Variants in CDC20B observed in about 807,000 individuals in gnomAD.
CDC20B encodes cell division cycle protein 20 homolog B.
A neutral mutation model predicts 64.1 loss-of-function variants in CDC20B; 58 were observed. The ratio of observed to expected loss-of-function variants is 0.90; its 90% CI spans 0.73 to 1.13. The LOEUF is 1.13. Among genes scored for constraint, CDC20B ranks in the 50% most tolerant of loss-of-function variants. The probability of loss-of-function intolerance (pLI) is 0.00; values close to 1 mark genes in which losing one functional copy is unlikely to be tolerated. For synonymous variants in CDC20B, 243 were observed against 230.6 expected (o/e 1.05, Z -0.49); for missense variants, 597 against 633.0 (o/e 0.94, Z 0.61).
At chr5:55,133,365 C>T (rs776073845) in intron 6 of CDC20B, 47 bp downstream of exon 6, 29 of 912,346 alleles carry the variant, frequency 3.2e-5, no homozygotes, top group Non-Finnish European at 6.7e-6. Flanking sequence ...GCACAGGATG[C>T]ATTTTGTCAT....
chr5:55,161,069 A>C (rs1193920775), intron 2 of CDC20B: 2 of 1,614,184 alleles, frequency 1.2e-6, no homozygotes, highest in Non-Finnish European at 1.7e-6. Flanking sequence ...GGAACTGCAC[A>C]AAGAGTTTGG....
chr5:55,147,872 A>C (rs1743541641), intron 2 of CDC20B, among the ~76,000 whole-genome samples: 1 of 152,172 alleles, frequency 6.6e-6, no homozygotes, highest in Non-Finnish European at 1.5e-5. Flanking sequence ...CAAACCCTTC[A>C]TTTCACAGAT....
Position 55,127,282 on chromosome 5 carries a change from T to G in CDC20B, c.964A>C (p.Ser322Arg), listed in dbSNP as rs1742916923. The G allele has an allele frequency of 6.2e-7, 1 of 1,613,976 alleles. No homozygotes were observed. The highest frequency in any genetic ancestry group is 1.1e-5 in the South Asian group (1 of 91,078). Residue 322 changes from serine to arginine, a missense_variant, in exon 8 of 12, where the codon AGC becomes CGC. Transcript: ENST00000381375. ...CTGCTGAGGATAAAGTGATTCCAGC[T>G]CAGAGCCCCAACTACTGACAAATGA... ...LGHLSVVGAL[S>R]WNHFILSSGS...
At chr5:55,139,096 T>TAGAAC (rs1445304851) in intron 5 of CDC20B, among the ~76,000 whole-genome samples, 1 of 151,974 alleles carries the variant, frequency 6.6e-6, no homozygotes, top group Admixed American at 6.6e-5. Flanking sequence ...CATGAAATCT[T>TAGAAC]AGAACACTGG....
chr5:55,122,273 CTTTTTT>C (rs34776567), intron 9 of CDC20B, among the ~76,000 whole-genome samples: 1 of 146,870 alleles, frequency 6.8e-6, no homozygotes, highest in Non-Finnish European at 1.5e-5. Flanking sequence ...AGTCTTTTCT[CTTTTTT>C]TTTTTTTTAA....
intron 8 of CDC20B, among the ~76,000 whole-genome samples, chr5:55,126,612 C>G (rs1742901122): frequency 6.6e-6 from 1 of 151,862 alleles, no homozygotes; most frequent in Admixed American, 6.6e-5. Flanking sequence ...GGAAAAAGTC[C>G]CTTAATTTTT....
chr5:55,133,842 A>G (rs1048226748), intron 5 of CDC20B, among the ~76,000 whole-genome samples: 3 of 152,108 alleles, frequency 2.0e-5, no homozygotes, highest in African/African-American at 7.2e-5. Flanking sequence ...TTGAATATTT[A>G]TTCTGTTATT....
At chr5:55,146,503 G>A (rs1002598463) in intron 3 of CDC20B, 125 bp downstream of exon 3, 1 of 650,876 alleles carries the variant, frequency 1.5e-6, no homozygotes. Flanking sequence ...CTTATTCAAA[G>A]GGAGAAAAAG....
chr5:55,137,712 C>T (rs1391621241), intron 5 of CDC20B: 9 of 456,242 alleles, frequency 2.0e-5, no homozygotes, highest in Non-Finnish European at 4.0e-5. Context: ...TCCTCTGCCT[C>T]CTATTTTCAA....
intron 2 of CDC20B, chr5:55,160,315 A>G (rs1333492350): frequency 6.2e-7 from 1 of 1,613,890 alleles, no homozygotes; most frequent in Non-Finnish European, 8.5e-7. Flanking sequence ...AATTCCTCAA[A>G]CCTAAAATCA....
At chr5:55,124,242 C>T (rs962868329) in intron 9 of CDC20B, among the ~76,000 whole-genome samples, 2 of 152,162 alleles carry the variant, frequency 1.3e-5, no homozygotes, top group Admixed American at 6.5e-5. Context: ...CATCAGTGTG[C>T]CCATCTCTCT....
intron 2 of CDC20B, 144 bp from the exon 3 acceptor site, chr5:55,147,000 A>G: frequency 5.2e-6 from 2 of 387,178 alleles, no homozygotes; most frequent in Non-Finnish European, 8.9e-6. Context: ...TTTGTAACCT[A>G]GATATTATTT....
intron 2 of CDC20B, among the ~76,000 whole-genome samples, chr5:55,157,929 T>C (rs1580362545): frequency 6.6e-6 from 1 of 152,324 alleles, no homozygotes; most frequent in African/African-American, 2.4e-5. Context: ...ATTCTATGAA[T>C]TAATTTTAAA....
intron 6 of CDC20B, among the ~76,000 whole-genome samples, chr5:55,129,262 C>A (rs756763772): frequency 4.5e-4 from 68 of 152,270 alleles, no homozygotes; most frequent in South Asian, 1.5e-3. Context: ...ACAATACATT[C>A]CGTCCCCATG....
rs34581363 is a variant in CDC20B at position 55,126,466 on chromosome 5, CAAAAAA to C, written c.989+785_989+790del. The C allele has an allele frequency of 1.2e-3, 115 of 98,356 alleles. 1 individual carries two copies. Among genetic ancestry groups the C allele is most frequent in the South Asian group, 3.2e-3 (29 of 9,064 alleles). 6.1% of individuals were successfully genotyped at this position (98,356 alleles called of 1,614,324 possible). ...TAGGTGACAGAGTGAGATTCCATGT[CAAAAAA>C]AAAAAAAAAAAAAAACAGTCTTTGG... On this transcript the variant is annotated intron_variant, in intron 8 of 11. Transcript: ENST00000381375.
At chr5:55,160,768 C>G (rs1744001928) in intron 2 of CDC20B, 1 of 492,548 alleles carries the variant, frequency 2.0e-6, no homozygotes, top group Non-Finnish European at 3.5e-6. Context: ...TAAAAATAAA[C>G]TTTCATGAGT....
chr5:55,140,454 T>C (rs1387674490), intron 4 of CDC20B, 47 bp from the exon 5 acceptor site: 3 of 1,278,396 alleles, frequency 2.3e-6, no homozygotes, highest in East Asian at 2.4e-5. Flanking sequence ...AAAACATACA[T>C]GTACAACTAA....
At chr5:55,125,587 T>C (rs1742865654) in intron 8 of CDC20B, among the ~76,000 whole-genome samples, 1 of 152,352 alleles carries the variant, frequency 6.6e-6, no homozygotes, top group South Asian at 2.1e-4. Context: ...AACTGCAATA[T>C]GATTCCTAAG....
rs555087845 is a variant in CDC20B, at chr5:55,145,863, TTC to T, written c.355+763_355+764del. Among the ~76,000 whole-genome samples, 272 of 152,094 alleles carry T rather than the reference TTC, an allele frequency of 1.8e-3. 4 individuals carry two copies. The highest frequency in any genetic ancestry group is 6.3e-3 in the African/African-American group (261 of 41,456). ...TTCTCTTCCTCTCATTCTCTCCTGC[TTC>T]TGTCTTTTTCTTCCATTTCACATCT... On this transcript the variant is annotated intron_variant, in intron 3 of 11. Transcript: ENST00000381375.
Sources: gnomAD v4.1 joint callset for allele counts (sites outside exome capture counted in the v4.1 genomes callset) on GRCh38, gnomAD v4.1.1 for gene constraint, MANE v1.5 for transcripts, NCBI Gene and HGNC (gene_info 2026-07-23, HGNC 2026-07-21) for gene names.